Variants in RNF144A observed in about 807,000 individuals in gnomAD.
RNF144A encodes E3 ubiquitin-protein ligase RNF144A.
In RNF144A, 11 loss-of-function variants were observed where a neutral mutation model predicts 38.7. The observed-to-expected ratio is 0.28, with a 90% CI of 0.18 to 0.47. RNF144A has a LOEUF of 0.47. RNF144A is among the 20% of genes least tolerant of loss of function. RNF144A has a pLI of 0.99. For synonymous variants in RNF144A, 149 were observed against 143.9 expected (o/e 1.04, Z -0.25); for missense variants, 316 against 377.2 (o/e 0.84, Z 1.34).
intron 6 of RNF144A, among the ~76,000 whole-genome samples, chr2:7,055,188 T>C (rs966463054): frequency 6.6e-6 from 1 of 152,198 alleles, no homozygotes; most frequent in Admixed American, 6.5e-5. Flanking sequence ...TTCTAAGCTT[T>C]GCAAATGATG....
At chr2:7,072,128 A>C (rs139890431), downstream of RNF144A, among the ~76,000 whole-genome samples, 118 of 152,378 alleles carry the variant, frequency 7.7e-4, 2 homozygotes, top group African/African-American at 2.6e-3. Context: ...ATGGGGAAGT[A>C]GCTTTGGCAT....
chr2:7,032,596 T>C (rs867746009), intron 8 of RNF144A, among the ~76,000 whole-genome samples: 41 of 152,372 alleles, frequency 2.7e-4, no homozygotes, highest in Middle Eastern at 3.4e-3. Flanking sequence ...GACAGATCGA[T>C]GCGTCACTGC....
chr2:6,984,806 T>C (rs1447118533), intron 2 of RNF144A, among the ~76,000 whole-genome samples: 6 of 152,264 alleles, frequency 3.9e-5, no homozygotes, highest in Non-Finnish European at 8.8e-5. Flanking sequence ...GGTCCTGACA[T>C]GCAAGGGTGC....
At chr2:6,969,755 C>T (rs1420088020) in intron 2 of RNF144A, among the ~76,000 whole-genome samples, 4 of 152,126 alleles carry the variant, frequency 2.6e-5, no homozygotes. Context: ...AAAATTGTTA[C>T]AAATCTTTTT....
intron 3 of RNF144A, among the ~76,000 whole-genome samples, chr2:7,011,189 G>T (rs2680762): frequency 0.6 from 90,664 of 152,000 alleles, 27,674 homozygotes; most frequent in Non-Finnish European, 0.65. Context: ...AGTATTATGG[G>T]ATACATATAG....
chr2:6,937,330 C>G (rs1409007601), intron 1 of RNF144A, among the ~76,000 whole-genome samples: 1 of 152,220 alleles, frequency 6.6e-6, no homozygotes, highest in Non-Finnish European at 1.5e-5. Context: ...GGCCACTGTC[C>G]AGGTGGGGAC....
chr2:7,038,077 T>A (rs1487194061), intron 8 of RNF144A, among the ~76,000 whole-genome samples: 1 of 152,250 alleles, frequency 6.6e-6, no homozygotes, highest in Admixed American at 6.5e-5. Context: ...TGAGGCTTAT[T>A]TCTTTTGGCC....
chr2:7,014,836 G>A, intron 5 of RNF144A, 64 bp downstream of exon 5: 2 of 1,234,916 alleles, frequency 1.6e-6, no homozygotes, highest in South Asian at 2.4e-5. Context: ...TAATTTTGTG[G>A]GGAGTTCTTT....
chr2:6,973,787 CATAA>C (rs1668137818), intron 2 of RNF144A, among the ~76,000 whole-genome samples: 1 of 152,242 alleles, frequency 6.6e-6, no homozygotes, highest in Non-Finnish European at 1.5e-5. Flanking sequence ...TGCCTGTTTT[CATAA>C]ATAAGGCTTC....
intron 2 of RNF144A, among the ~76,000 whole-genome samples, chr2:6,990,209 A>C (rs1669240152): frequency 6.6e-6 from 1 of 152,056 alleles, no homozygotes; most frequent in Admixed American, 6.6e-5. Flanking sequence ...TGGTGAGGAC[A>C]TCCCCCTGGC....
chr2:6,932,780 C>T (rs756915579), intron 1 of RNF144A, among the ~76,000 whole-genome samples: 4 of 152,152 alleles, frequency 2.6e-5, no homozygotes, highest in Admixed American at 6.5e-5. Context: ...GAATTTTAAA[C>T]AATACTCAAT....
intron 2 of RNF144A, among the ~76,000 whole-genome samples, chr2:6,956,501 G>T (rs36037204): frequency 0.046 from 7,060 of 152,284 alleles, 245 homozygotes; most frequent in Non-Finnish European, 0.069. Context: ...TAGCAGGGCA[G>T]TTCTCACCAA....
At chr2:6,945,724 T>C (rs1203061630) in intron 2 of RNF144A, among the ~76,000 whole-genome samples, 1 of 152,152 alleles carries the variant, frequency 6.6e-6, no homozygotes, top group Non-Finnish European at 1.5e-5. Flanking sequence ...GACTTTTTTT[T>C]TTTTTGGGTA....
At position 6,944,808 on chromosome 2, in the gene RNF144A, T is replaced by G. The variant is rs191708973; in HGVS notation, c.-12+3661T>G. Reference sequence around the variant, plus strand: ...TCTGTCTCAAACAAATTCCAAGAACTGTGAAATGGCTTCATATTCACAAAA... The same window carrying G: ...TCTGTCTCAAACAAATTCCAAGAACGGTGAAATGGCTTCATATTCACAAAA... On this transcript the variant is annotated intron_variant, in intron 2 of 8. Coordinates refer to ENST00000320892, the MANE Select transcript of RNF144A (RefSeq NM_014746.6). This position sits in a 1 kb window ranked among gnomAD's most constrained non-coding sequence, Gnocchi z 4.7. 5.3e-5 allele frequency among the ~76,000 whole-genome samples: 8 copies of G among 152,334 alleles called. No individual in the cohort carries two copies. In the East Asian group the frequency reaches 1.5e-3, roughly 29 times the overall value.
At position 6,962,121 on chromosome 2, in the gene RNF144A, T is replaced by C. The variant is rs1021698014; in HGVS notation, c.-12+20974T>C. ...ATCCACGGTGAAATGCAGGGGGTTT[T>C]ATAGATAAGCTGGTGGGGAATGATA... On this transcript the variant is annotated intron_variant, in intron 2 of 8. Transcript: ENST00000320892. The surrounding 1 kb of genome is among the most constrained non-coding windows in gnomAD (Gnocchi z 4.1). Among the ~76,000 whole-genome samples the C allele has an allele frequency of 2.0e-5, 3 of 152,162 alleles. No homozygotes were observed. Among genetic ancestry groups the C allele is most frequent in the Admixed American group, 1.3e-4 (2 of 15,282 alleles).
chr2:7,013,103 A>G (rs1395771309), intron 3 of RNF144A, among the ~76,000 whole-genome samples: 1 of 152,158 alleles, frequency 6.6e-6, no homozygotes, highest in Non-Finnish European at 1.5e-5. Flanking sequence ...GAAATATTCT[A>G]TTTTGCTAGG....
chr2:7,045,767 C>G (rs1287971268), downstream of RNF144A, among the ~76,000 whole-genome samples: 3 of 152,272 alleles, frequency 2.0e-5, no homozygotes, highest in East Asian at 5.8e-4. Flanking sequence ...GGAGGTCAAC[C>G]AGAGAAGGTG....
At chr2:6,951,126 T>G (rs758129485) in intron 2 of RNF144A, among the ~76,000 whole-genome samples, 9 of 152,214 alleles carry the variant, frequency 5.9e-5, no homozygotes, top group Non-Finnish European at 1.3e-4. Context: ...TTTAAAAGTA[T>G]TTAGAATTAA....
At chr2:7,037,167 T>A (rs1241469260) in intron 8 of RNF144A, among the ~76,000 whole-genome samples, 4 of 152,222 alleles carry the variant, frequency 2.6e-5, no homozygotes, top group African/African-American at 4.8e-5. Context: ...TGATATTTGC[T>A]TCCTGTCTCA....
Sources: allele counts gnomAD v4.1 joint callset (sites outside exome capture counted in the v4.1 genomes callset), GRCh38; gene constraint gnomAD v4.1.1; non-coding constraint Gnocchi (gnomAD v3.1); transcripts MANE v1.5; gene names NCBI Gene and HGNC (gene_info 2026-07-23, HGNC 2026-07-21).